SPIRE2: variants seen among roughly 807,000 people sequenced by gnomAD.
SPIRE2 encodes the protein spire type actin nucleation factor 2, also known as protein spire homolog 2.
SPIRE2 carries 76 observed loss-of-function variants against 80.7 expected under a neutral mutation model. The ratio of observed to expected loss-of-function variants is 0.94; its 90% CI spans 0.78 to 1.14. SPIRE2 has a LOEUF of 1.14. SPIRE2 is among the 50% of genes most tolerant of loss of function. SPIRE2 has a pLI of 0.00. For synonymous variants in SPIRE2, 535 were observed against 432.6 expected, an observed-to-expected ratio of 1.24 and a Z score of -2.94; for missense variants, 1,196 against 1,015.3, an observed-to-expected ratio of 1.18 and a Z score of -2.42.
intron 7 of SPIRE2, 137 bp from the exon 8 acceptor site, chr16:89,858,201 T>G: frequency 1.0e-6 from 1 of 976,324 alleles, no homozygotes; most frequent in Non-Finnish European, 1.5e-6. Flanking sequence ...CTCATTTTTT[T>G]AAATGGCTGG....
intron 1 of SPIRE2, among the ~76,000 whole-genome samples, chr16:89,842,322 CCT>C (rs2041514455): frequency 6.9e-6 from 1 of 145,284 alleles, no homozygotes; most frequent in African/African-American, 2.6e-5. Context: ...AAGCGATTCT[CCT>C]CTCTCAGCCT....
chr16:89,834,962 CGTA>C (rs1567668627), intron 1 of SPIRE2, among the ~76,000 whole-genome samples: 1 of 147,978 alleles, frequency 6.8e-6, no homozygotes, highest in African/African-American at 2.5e-5. Flanking sequence ...GGCTGGCCGT[CGTA>C]GAAGGCCCCA....
chr16:89,851,980 C>A (rs1190206910), intron 3 of SPIRE2, among the ~76,000 whole-genome samples: 1 of 151,936 alleles, frequency 6.6e-6, no homozygotes, highest in Non-Finnish European at 1.5e-5. Flanking sequence ...TCGGCCTCAT[C>A]TGCAGCCCAA....
chr16:89,869,513 T>C (rs1486634774), intron 13 of SPIRE2, 54 bp from the exon 14 acceptor site: 17 of 1,242,184 alleles, frequency 1.4e-5, no homozygotes, highest in Non-Finnish European at 1.9e-5. Context: ...GCACTGAGTG[T>C]ACCTGAATGT....
At chr16:89,830,914 T>C (rs1179598296) in intron 1 of SPIRE2, among the ~76,000 whole-genome samples, 1 of 147,716 alleles carries the variant, frequency 6.8e-6, no homozygotes, top group East Asian at 1.9e-4. Flanking sequence ...GAATCTTTTT[T>C]TTTTTTTTTT....
chr16:89,835,855 G>A (rs1456472573), intron 1 of SPIRE2, among the ~76,000 whole-genome samples: 8 of 152,124 alleles, frequency 5.3e-5, no homozygotes, highest in Non-Finnish European at 7.3e-5. Flanking sequence ...ACTGAGGAGC[G>A]GGAGGAGTGC....
intron 13 of SPIRE2, among the ~76,000 whole-genome samples, chr16:89,868,531 T>C (rs1049057230): frequency 6.6e-6 from 1 of 152,210 alleles, no homozygotes; most frequent in African/African-American, 2.4e-5. Context: ...AGGTGTGTGC[T>C]TATGTGCAGG....
chr16:89,854,975 G>C (rs963273891), intron 5 of SPIRE2, among the ~76,000 whole-genome samples: 1 of 151,836 alleles, frequency 6.6e-6, no homozygotes, highest in African/African-American at 2.4e-5. Context: ...GTCTCGCTCT[G>C]TCGCCCAGGC....
chr16:89,840,817 T>G (rs370051364), intron 1 of SPIRE2, among the ~76,000 whole-genome samples: 30 of 150,446 alleles, frequency 2.0e-4, no homozygotes, highest in African/African-American at 7.3e-4. Context: ...TTTGTATTTT[T>G]TAGTAGAGAC....
intron 9 of SPIRE2, among the ~76,000 whole-genome samples, chr16:89,860,455 C>T (rs148084034): frequency 6.6e-6 from 1 of 152,206 alleles, no homozygotes; most frequent in Non-Finnish European, 1.5e-5. Context: ...AGCTGAGGGT[C>T]TCGCTACGTT....
At chr16:89,846,204 A>AT (rs1567672142) in intron 2 of SPIRE2, 2 of 149,798 alleles carry the variant, frequency 1.3e-5, no homozygotes, top group African/African-American at 2.5e-5. Flanking sequence ...GCCTTATTTT[A>AT]TTTTTTAATA....
chr16:89,867,019 A>G (rs775304572), intron 12 of SPIRE2, among the ~76,000 whole-genome samples: 10 of 152,178 alleles, frequency 6.6e-5, no homozygotes, highest in Admixed American at 2.6e-4. Flanking sequence ...TCTAGCTTCC[A>G]TGGTGCTTTT....
intron 10 of SPIRE2, chr16:89,861,883 A>G (rs2041747654): frequency 6.6e-6 from 1 of 152,408 alleles, no homozygotes; most frequent in African/African-American, 2.4e-5. Flanking sequence ...GAGTGAGCGC[A>G]GTGAAAGCCA....
intron 7 of SPIRE2, 47 bp downstream of exon 7, chr16:89,856,283 G>A: frequency 6.5e-7 from 1 of 1,531,732 alleles, no homozygotes; most frequent in Non-Finnish European, 8.8e-7. Context: ...CCCCCGGCTG[G>A]GGTTCCCCCA....
chr16:89,844,954 C>G (rs1201835662), intron 1 of SPIRE2, among the ~76,000 whole-genome samples: 2 of 152,208 alleles, frequency 1.3e-5, no homozygotes, highest in Non-Finnish European at 2.9e-5. Flanking sequence ...CCTGCAGTGC[C>G]CGGGACAGAC....
At chr16:89,860,957 G>A (rs374139025) in intron 10 of SPIRE2, among the ~76,000 whole-genome samples, 162 bp downstream of exon 10, 96 of 152,210 alleles carry the variant, frequency 6.3e-4, no homozygotes, top group Middle Eastern at 3.4e-3. Context: ...GGGCACCAGT[G>A]GTGGAGCTGC....
intron 2 of SPIRE2, among the ~76,000 whole-genome samples, chr16:89,849,421 C>T (rs2041599721): frequency 6.6e-6 from 1 of 152,244 alleles, no homozygotes; most frequent in Non-Finnish European, 1.5e-5. Flanking sequence ...ATGTGCAGGG[C>T]CCGGCACAGC....
chr16:89,835,959 G>T (rs988193588), intron 1 of SPIRE2, among the ~76,000 whole-genome samples: 1 of 152,146 alleles, frequency 6.6e-6, no homozygotes, highest in African/African-American at 2.4e-5. Context: ...CGGATCACAT[G>T]AGGTCAGGAG....
At chr16:89,854,216 A>C in intron 3 of SPIRE2, 70 bp from the exon 4 acceptor site, 1 of 1,438,758 alleles carries the variant, frequency 7.0e-7, no homozygotes, top group Non-Finnish European at 9.6e-7. Context: ...CGTGTCCCTG[A>C]CGGACGGGGC....
Sources: allele counts gnomAD v4.1 joint callset (sites outside exome capture counted in the v4.1 genomes callset), GRCh38; gene constraint gnomAD v4.1.1; transcripts MANE v1.5; gene names NCBI Gene and HGNC (gene_info 2026-07-23, HGNC 2026-07-21).